Variants in FER observed in about 807,000 individuals in gnomAD.
The protein encoded by FER is tyrosine-protein kinase Fer.
In FER, 63 loss-of-function variants were observed where a neutral mutation model predicts 111.0. The ratio of observed to expected loss-of-function variants is 0.57; its 90% CI spans 0.46 to 0.70. The LOEUF (loss-of-function observed/expected upper bound fraction) is 0.70. FER is among the 30% of genes least tolerant of loss of function. FER has a pLI of 0.00. For synonymous variants in FER, 327 were observed against 313.9 expected, an observed-to-expected ratio of 1.04 and a Z score of -0.44; for missense variants, 914 against 954.0, an observed-to-expected ratio of 0.96 and a Z score of 0.55.
rs901216491 is a variant in FER at position 109,192,566 on chromosome 5, G to A, written c.*4991G>A. 7 of 152,108 alleles carry A rather than the reference G, an allele frequency of 4.6e-5. No individual in the cohort carries two copies. The highest frequency in any genetic ancestry group is 7.4e-5 in the Non-Finnish European group (5 of 68,004). 9.4% of individuals were successfully genotyped at this position (152,108 alleles called of 1,614,324 possible). On this transcript the variant is annotated 3_prime_UTR_variant, in exon 20 of 20. Transcript: ENST00000281092. ...GACATATGTATTCCAGTTTTTCAAA[G>A]ACACTACCCAAAGCTTCTTTACATT...
chr5:109,087,889 G>T, intron 16 of FER, among the ~76,000 whole-genome samples: 1 of 151,660 alleles, frequency 6.6e-6, no homozygotes, highest in African/African-American at 2.4e-5. Flanking sequence ...CTGAATTTCT[G>T]TCCCAGGGAC....
intron 17 of FER, among the ~76,000 whole-genome samples, chr5:109,114,485 C>T (rs1749998648): frequency 6.6e-6 from 1 of 151,940 alleles, no homozygotes; most frequent in South Asian, 2.1e-4. Flanking sequence ...TAACTTGGAA[C>T]TTTTGAGGAT....
chr5:108,895,828 A>G (rs77884118), intron 9 of FER, among the ~76,000 whole-genome samples: 3,710 of 152,298 alleles, frequency 0.024, 58 homozygotes, highest in Non-Finnish European at 0.038. Context: ...TTCCATAAAT[A>G]AATGTTTTTG....
At chr5:109,125,837 C>A (rs1751646288) in intron 17 of FER, among the ~76,000 whole-genome samples, 1 of 152,116 alleles carries the variant, frequency 6.6e-6, no homozygotes, top group Non-Finnish European at 1.5e-5. Flanking sequence ...CCAGGTTGTT[C>A]CTAATATCCT....
chr5:108,813,516 C>T (rs73780584), intron 3 of FER, among the ~76,000 whole-genome samples: 3,256 of 152,134 alleles, frequency 0.021, 109 homozygotes, highest in African/African-American at 0.075. Context: ...ACCCTGATTA[C>T]GTATGGATTT....
intron 16 of FER, among the ~76,000 whole-genome samples, chr5:109,073,043 G>A (rs1430269838): frequency 2.0e-5 from 3 of 152,134 alleles, no homozygotes; most frequent in East Asian, 1.9e-4. Context: ...TGGTTTAAGA[G>A]CCCACCCTAA....
chr5:109,087,228 T>G (rs907069681), intron 16 of FER, among the ~76,000 whole-genome samples: 1 of 151,776 alleles, frequency 6.6e-6, no homozygotes, highest in South Asian at 2.1e-4. Context: ...CTGAATTAAT[T>G]TGAGGTCATA....
chr5:108,877,795 A>G (rs2150265604), intron 8 of FER, among the ~76,000 whole-genome samples: 1 of 152,312 alleles, frequency 6.6e-6, no homozygotes, highest in Non-Finnish European at 1.5e-5. Context: ...TGGAAGTTTG[A>G]TCCCTTTAAG....
At chr5:108,954,966 G>GA (rs1268783244) in intron 12 of FER, 34 bp downstream of exon 12, 1 of 1,542,146 alleles carries the variant, frequency 6.5e-7, no homozygotes, top group Non-Finnish European at 8.9e-7. Flanking sequence ...TGTATATTTT[G>GA]ATGTAGTTCA....
At chr5:109,093,471 A>G (rs758168893) in intron 16 of FER, among the ~76,000 whole-genome samples, 1 of 152,156 alleles carries the variant, frequency 6.6e-6, no homozygotes, top group Non-Finnish European at 1.5e-5. Context: ...CGACCAACAC[A>G]TTCTCATAAA....
intron 13 of FER, among the ~76,000 whole-genome samples, chr5:109,026,765 G>A (rs1285111592): frequency 2.0e-5 from 3 of 151,976 alleles, no homozygotes; most frequent in Non-Finnish European, 4.4e-5. Context: ...TGCAACTTCC[G>A]CCTCCCGGGT....
At chr5:109,153,476 G>C (rs1442097456) in intron 17 of FER, among the ~76,000 whole-genome samples, 1 of 151,964 alleles carries the variant, frequency 6.6e-6, no homozygotes, top group East Asian at 1.9e-4. Context: ...TGACTTAACG[G>C]TTGTATTTTC....
intron 13 of FER, among the ~76,000 whole-genome samples, chr5:109,026,021 A>G (rs11951974): frequency 0.12 from 17,794 of 152,232 alleles, 1,099 homozygotes; most frequent in Non-Finnish European, 0.14. Context: ...AAAATGAGAC[A>G]TTCTAAAGTT....
At chr5:109,057,966 A>G (rs1390124367) in intron 16 of FER, among the ~76,000 whole-genome samples, 2 of 152,230 alleles carry the variant, frequency 1.3e-5, no homozygotes, top group Non-Finnish European at 2.9e-5. Context: ...TCATAGATTT[A>G]AAAATTCTAA....
chr5:108,834,717 A>G (rs1209479667), intron 4 of FER, among the ~76,000 whole-genome samples: 3 of 151,830 alleles, frequency 2.0e-5, no homozygotes, highest in Non-Finnish European at 2.9e-5. Context: ...AAAAAAAAAA[A>G]AGTTTGGTAT....
chr5:108,764,794 G>C (rs986035578), intron 1 of FER, among the ~76,000 whole-genome samples: 1 of 152,114 alleles, frequency 6.6e-6, no homozygotes, highest in Admixed American at 6.6e-5. Flanking sequence ...AAAACTAAGG[G>C]GATATTTATT....
intron 17 of FER, among the ~76,000 whole-genome samples, chr5:109,149,386 C>T (rs900743089): frequency 1.3e-5 from 2 of 152,098 alleles, no homozygotes; most frequent in Non-Finnish European, 2.9e-5. Flanking sequence ...CAGTCTGATC[C>T]CTTAGACCAG....
chr5:109,077,021 A>T (rs1336755241), intron 16 of FER, among the ~76,000 whole-genome samples: 1 of 152,240 alleles, frequency 6.6e-6, no homozygotes, highest in Non-Finnish European at 1.5e-5. Flanking sequence ...AGTCTTCTTC[A>T]CATCTCTTAC....
chr5:108,986,722 T>A (rs917852445), intron 13 of FER, among the ~76,000 whole-genome samples: 1 of 152,172 alleles, frequency 6.6e-6, no homozygotes, highest in African/African-American at 2.4e-5. Flanking sequence ...CCACTTTATG[T>A]TTTTGTTTGC....
Sources: gnomAD v4.1 joint callset for allele counts (sites outside exome capture counted in the v4.1 genomes callset) on GRCh38, gnomAD v4.1.1 for gene constraint, MANE v1.5 for transcripts, NCBI Gene and HGNC (gene_info 2026-07-23, HGNC 2026-07-21) for gene names.